The following SPOCK1 variants were observed in gnomAD, a reference collection of about 807,000 sequenced individuals.
SPOCK1 encodes SPARC (osteonectin), cwcv and kazal like domains proteoglycan 1, also known as testican-1.
A neutral mutation model predicts 55.3 loss-of-function variants in SPOCK1; 23 were observed. That is an observed-to-expected ratio of 0.42 (90% CI 0.30 to 0.59). The LOEUF is 0.59. Among genes scored for constraint, SPOCK1 ranks in the 20% least tolerant of loss-of-function variants. The pLI is 0.22. For missense variants in SPOCK1, 499 were observed against 552.5 expected, an observed-to-expected ratio of 0.90 and a Z score of 0.97; for synonymous variants, 226 against 221.0, an observed-to-expected ratio of 1.02 and a Z score of -0.20.
At chr5:137,390,584 C>A (rs1751698065) in intron 2 of SPOCK1, among the ~76,000 whole-genome samples, 2 of 152,182 alleles carry the variant, frequency 1.3e-5, no homozygotes, top group African/African-American at 2.4e-5. Flanking sequence ...CAGTGGTTCT[C>A]CTGGTGAGCA....
chr5:137,329,591 A>G (rs1326716815), intron 2 of SPOCK1, among the ~76,000 whole-genome samples: 1 of 152,184 alleles, frequency 6.6e-6, no homozygotes, highest in African/African-American at 2.4e-5. Flanking sequence ...CCAACCTAAA[A>G]AAGCACTGCT....
At chr5:137,132,337 G>A (rs954424710) in intron 4 of SPOCK1, among the ~76,000 whole-genome samples, 3 of 152,086 alleles carry the variant, frequency 2.0e-5, no homozygotes, top group Non-Finnish European at 4.4e-5. Context: ...GTGCTGCCCA[G>A]CAAGATCTGA....
intron 4 of SPOCK1, among the ~76,000 whole-genome samples, chr5:137,117,857 G>A (rs1349944740): frequency 6.6e-6 from 1 of 152,188 alleles, no homozygotes; most frequent in East Asian, 1.9e-4. Context: ...GCTGCATGAG[G>A]GCCTCTGATG....
chr5:137,240,496 T>G (rs1756261203), intron 3 of SPOCK1, among the ~76,000 whole-genome samples: 1 of 152,196 alleles, frequency 6.6e-6, no homozygotes, highest in African/African-American at 2.4e-5. Flanking sequence ...AAGCCATTCA[T>G]GAGGGCTACA....
At chr5:136,991,047 C>T (rs1367206252) in intron 7 of SPOCK1, among the ~76,000 whole-genome samples, 1 of 152,180 alleles carries the variant, frequency 6.6e-6, no homozygotes, top group East Asian at 1.9e-4. Context: ...CATGCTTTAA[C>T]ATTCCCTTCA....
At chr5:137,258,350 C>T (rs956009720) in intron 3 of SPOCK1, among the ~76,000 whole-genome samples, 3 of 152,158 alleles carry the variant, frequency 2.0e-5, no homozygotes, top group African/African-American at 7.2e-5. Flanking sequence ...AACAGGTTTC[C>T]AGCAGTTAAT....
At chr5:137,284,961 C>A (rs1310195697) in intron 2 of SPOCK1, among the ~76,000 whole-genome samples, 2 of 152,180 alleles carry the variant, frequency 1.3e-5, no homozygotes. Context: ...AAGTCTCGCT[C>A]ATACAGCTTT....
At chr5:137,242,382 T>C (rs1756299948) in intron 3 of SPOCK1, among the ~76,000 whole-genome samples, 2 of 152,184 alleles carry the variant, frequency 1.3e-5, no homozygotes, top group Admixed American at 6.5e-5. Flanking sequence ...GGTAGTTCCC[T>C]AGCACACACT....
intron 4 of SPOCK1, among the ~76,000 whole-genome samples, chr5:137,139,825 A>G (rs1375102941): frequency 6.6e-6 from 1 of 152,122 alleles, no homozygotes; most frequent in Non-Finnish European, 1.5e-5. Context: ...TTGCATGTGT[A>G]TGTTTGTTTG....
rs1753802440 is a variant in SPOCK1 at position 137,474,703 on chromosome 5, T to C, written c.186+23670A>G. On this transcript the variant is annotated intron_variant, in intron 2 of 10. Coordinates refer to ENST00000394945, the MANE Select transcript of SPOCK1 (RefSeq NM_004598.4). ...AGCAAGCTTGAAAGGGCTCCCATCG[T>C]CAGATTTGGGACAATTAGTGCATCA... 5.3e-5 allele frequency among the ~76,000 whole-genome samples: 8 copies of C among 152,264 alleles called. No individual in the cohort carries two copies. In the Middle Eastern group the frequency reaches 0.017, roughly 324 times the overall value.
At chr5:137,076,305 A>G (rs945203857) in intron 5 of SPOCK1, among the ~76,000 whole-genome samples, 4 of 152,238 alleles carry the variant, frequency 2.6e-5, no homozygotes, top group African/African-American at 9.6e-5. Flanking sequence ...ATCTGTTTAC[A>G]TATCTACTTC....
chr5:137,266,995 T>C lies in SPOCK1; in HGVS notation c.232+15A>G, dbSNP rs150624003. 1,443 of 1,609,076 alleles carry C rather than the reference T, an allele frequency of 9.0e-4. 7 individuals carry two copies. Among genetic ancestry groups the C allele is most frequent in the Middle Eastern group, 6.1e-3 (37 of 6,050 alleles). ...TTACCACAGACTATACAGCAAGAAA[T>C]ATTGCATCCATTACCTTGGTCAAAG... On this transcript the variant is annotated intron_variant, in intron 3 of 10. Transcript: ENST00000394945.
intron 2 of SPOCK1, among the ~76,000 whole-genome samples, chr5:137,423,132 T>C (rs143473266): frequency 1.3e-5 from 2 of 152,334 alleles, no homozygotes; most frequent in Non-Finnish European, 2.9e-5. Context: ...TGCTGCATGA[T>C]TGTTCCTCTG....
At chr5:137,496,644 A>G (rs1754304357) in intron 2 of SPOCK1, among the ~76,000 whole-genome samples, 1 of 152,188 alleles carries the variant, frequency 6.6e-6, no homozygotes, top group Non-Finnish European at 1.5e-5. Flanking sequence ...AAACAAAACA[A>G]AACAAAAAGC....
At chr5:137,377,949 T>TC (rs1479767452) in intron 2 of SPOCK1, among the ~76,000 whole-genome samples, 1 of 148,016 alleles carries the variant, frequency 6.8e-6, no homozygotes, top group East Asian at 2.0e-4. Context: ...TTCCTTTTTT[T>TC]TTTTTTTTTT....
At chr5:137,248,256 T>G (rs1045853929) in intron 3 of SPOCK1, among the ~76,000 whole-genome samples, 9 of 152,236 alleles carry the variant, frequency 5.9e-5, no homozygotes, top group Non-Finnish European at 1.3e-4. Context: ...CTTTACACCC[T>G]ACTACTTAGC....
Position 137,027,626 on chromosome 5 carries a change from T to G in SPOCK1, c.590-35026A>C, listed in dbSNP as rs547793808. 2.6e-5 allele frequency among the ~76,000 whole-genome samples: 4 copies of G among 152,306 alleles called. No individual in the cohort carries two copies. The East Asian group carries it at 7.7e-4, about 29-fold the overall frequency. ...TAAACACTCAATATCCATATGTAGCTAGTAGCAGATACAGACTAACTGAAG... is the reference window on the plus strand; with the variant it reads ...TAAACACTCAATATCCATATGTAGCGAGTAGCAGATACAGACTAACTGAAG... On this transcript the variant is annotated intron_variant, in intron 6 of 10. Coordinates refer to ENST00000394945, the MANE Select transcript of SPOCK1 (RefSeq NM_004598.4).
intron 3 of SPOCK1, among the ~76,000 whole-genome samples, chr5:137,181,757 C>T (rs1473774659): frequency 6.6e-6 from 1 of 152,244 alleles, no homozygotes; most frequent in Non-Finnish European, 1.5e-5. Context: ...CTAATCTTGC[C>T]ACCATCACCA....
intron 3 of SPOCK1, among the ~76,000 whole-genome samples, chr5:137,150,759 G>T (rs1427515138): frequency 6.6e-6 from 1 of 152,108 alleles, no homozygotes; most frequent in Non-Finnish European, 1.5e-5. Flanking sequence ...ACAGAGCCTG[G>T]CAGTGACAGG....
Sources: allele counts gnomAD v4.1 joint callset (sites outside exome capture counted in the v4.1 genomes callset), GRCh38; gene constraint gnomAD v4.1.1; transcripts MANE v1.5; gene names NCBI Gene and HGNC (gene_info 2026-07-23, HGNC 2026-07-21).